Variants in KALRN observed in about 807,000 individuals in gnomAD.
KALRN encodes kalirin RhoGEF kinase.
In KALRN, 70 loss-of-function variants were observed where a neutral mutation model predicts 353.7. That is an observed-to-expected ratio of 0.20 (90% CI 0.16 to 0.24). The LOEUF (loss-of-function observed/expected upper bound fraction) is 0.24. Among genes scored for constraint, KALRN ranks in the 10% least tolerant of loss-of-function variants. KALRN has a pLI of 1.00. For missense variants in KALRN, 2,791 were observed against 3,756.7 expected (o/e 0.74, Z 6.72); for synonymous variants, 1,391 against 1,434.8 (o/e 0.97, Z 0.69).
chr3:124,495,957 G>GTGTATATATA (rs1377097482), intron 32 of KALRN, among the ~76,000 whole-genome samples: 1 of 44,222 alleles, frequency 2.3e-5, no homozygotes, highest in Non-Finnish European at 4.3e-5. Flanking sequence ...GTGTGTATGT[G>GTGTATATATA]TATGTATGTA....
chr3:124,384,956 A>G lies in KALRN; in HGVS notation c.1882A>G (p.Ile628Val), dbSNP rs141013560. The part of the protein sequence containing the change: ...YKAARHLEVR[I>V]QDFVRRVEQR... Reference sequence around the variant, plus strand: ...GGCAGCTCGACACCTGGAGGTGCGCATCCAAGACTTCGTGCGCAGGGTGGA... The same window carrying G: ...GGCAGCTCGACACCTGGAGGTGCGCGTCCAAGACTTCGTGCGCAGGGTGGA... Residue 628 changes from isoleucine (I) to valine (V), a missense_variant, in exon 11 of 60, where the codon ATC (isoleucine) becomes GTC (valine). By Grantham distance (29) the Ile-to-Val change is conservative (BLOSUM62 3). Around this residue, in one of 11 missense-constraint regions of KALRN, gnomAD observed 452 missense variants for 575.8 expected, o/e 0.78. Coordinates refer to ENST00000682506, the MANE Select transcript of KALRN (RefSeq NM_001388419.1). 4.3e-5 allele frequency: 69 copies of G among 1,613,978 alleles called. No individual in the cohort carries two copies. Among genetic ancestry groups the G allele is most frequent in the Non-Finnish European group, 5.3e-5 (63 of 1,180,004 alleles).
intron 34 of KALRN, among the ~76,000 whole-genome samples, chr3:124,603,075 G>A (rs1002966652): frequency 6.6e-6 from 1 of 152,028 alleles, no homozygotes; most frequent in African/African-American, 2.4e-5. Flanking sequence ...TTTTCTTGTG[G>A]GGTATTATTT....
intron 10 of KALRN, among the ~76,000 whole-genome samples, chr3:124,375,209 A>G (rs980263570): frequency 1.3e-5 from 2 of 152,130 alleles, no homozygotes; most frequent in African/African-American, 4.8e-5. Flanking sequence ...CGCTGGCTAT[A>G]TCCGGGGCCT....
chr3:124,443,229 T>C (rs1404232162), intron 19 of KALRN, among the ~76,000 whole-genome samples: 1 of 152,246 alleles, frequency 6.6e-6, no homozygotes, highest in Non-Finnish European at 1.5e-5. Flanking sequence ...ATTCTGACCA[T>C]GCAGAAATTA....
intron 9 of KALRN, among the ~76,000 whole-genome samples, chr3:124,337,899 T>C (rs2081296623): frequency 6.6e-6 from 1 of 152,216 alleles, no homozygotes; most frequent in Non-Finnish European, 1.5e-5. Context: ...ATCCATTTCT[T>C]CTAGATTTTC....
At chr3:124,167,954 C>T (rs1465591841) in intron 1 of KALRN, among the ~76,000 whole-genome samples, 1 of 152,198 alleles carries the variant, frequency 6.6e-6, no homozygotes. Flanking sequence ...GTTTGGAGTG[C>T]ACCCCTGCCC....
chr3:124,672,545 T>C (rs2086594761), intron 48 of KALRN, among the ~76,000 whole-genome samples: 1 of 152,174 alleles, frequency 6.6e-6, no homozygotes, highest in African/African-American at 2.4e-5. Context: ...TCACCATCTA[T>C]TGGCTGATGT....
chr3:124,491,017 TCTC>T (rs2063101535), intron 30 of KALRN, 133 bp downstream of exon 30: 1 of 787,910 alleles, frequency 1.3e-6, no homozygotes, highest in Admixed American at 2.9e-5. Context: ...AATGAAAATG[TCTC>T]CTATTTGGAA....
intron 10 of KALRN, among the ~76,000 whole-genome samples, chr3:124,363,777 G>C (rs1030460675): frequency 6.6e-6 from 1 of 152,228 alleles, no homozygotes; most frequent in Admixed American, 6.5e-5. Flanking sequence ...GATTAGCCAG[G>C]AAACTTTCCA....
chr3:124,343,692 C>T (rs1581170868), intron 9 of KALRN, among the ~76,000 whole-genome samples: 1 of 152,196 alleles, frequency 6.6e-6, no homozygotes, highest in Non-Finnish European at 1.5e-5. Flanking sequence ...CTCAGCTAAA[C>T]CTCACTTCTC....
chr3:124,109,222 A>T lies in KALRN; in HGVS notation c.73+75409A>T, dbSNP rs570718528. Among the ~76,000 whole-genome samples, 3 of 151,992 alleles carry T rather than the reference A, an allele frequency of 2.0e-5. No homozygotes were observed. In the South Asian group the frequency reaches 6.2e-4, roughly 32 times the overall value. On this transcript the variant is annotated intron_variant, in intron 1 of 59. Coordinates refer to ENST00000682506, the MANE Select transcript of KALRN (RefSeq NM_001388419.1). ...GTTCTTTTTCTTCTTTCCATTTGAG[A>T]TCTCAACTGATTGTATGTTGCAATT...
intron 37 of KALRN, among the ~76,000 whole-genome samples, chr3:124,642,806 G>GTTTTTTGGTTGTTGTTGTTTTTTT (rs2082198074): frequency 5.2e-5 from 5 of 96,840 alleles, no homozygotes; most frequent in Non-Finnish European, 9.5e-5. Flanking sequence ...CCCAAGCCTC[G>GTTTTTTGGTTGTTGTTGTTTTTTT]TTTTTTTTTT....
At chr3:124,138,758 G>A (rs972617714) in intron 1 of KALRN, among the ~76,000 whole-genome samples, 3 of 152,172 alleles carry the variant, frequency 2.0e-5, no homozygotes, top group Non-Finnish European at 4.4e-5. Flanking sequence ...GACCACTGAA[G>A]GGACATGGTG....
intron 1 of KALRN, among the ~76,000 whole-genome samples, chr3:124,178,116 A>G (rs1218230690): frequency 6.6e-6 from 1 of 152,242 alleles, no homozygotes; most frequent in Non-Finnish European, 1.5e-5. Context: ...TATCTACAAC[A>G]TACCTCTTTA....
At chr3:124,487,772 G>A (rs1269578429) in intron 28 of KALRN, among the ~76,000 whole-genome samples, 1 of 152,212 alleles carries the variant, frequency 6.6e-6, no homozygotes, top group Non-Finnish European at 1.5e-5. Flanking sequence ...CAGTAAGCAT[G>A]CAGGGATATT....
At chr3:124,184,457 G>A (rs55657448) in intron 1 of KALRN, among the ~76,000 whole-genome samples, 51,297 of 151,996 alleles carry the variant, frequency 0.34, 9,619 homozygotes, top group East Asian at 0.53. Flanking sequence ...TTCCCAACTC[G>A]TTAGCCTAGC....
chr3:124,240,466 A>G (rs1387085530), intron 3 of KALRN, among the ~76,000 whole-genome samples: 1 of 152,202 alleles, frequency 6.6e-6, no homozygotes, highest in Non-Finnish European at 1.5e-5. Context: ...ACGGAGGGGA[A>G]ACATTACCAC....
chr3:124,612,581 C>T (rs2078123325), intron 34 of KALRN, among the ~76,000 whole-genome samples: 1 of 152,228 alleles, frequency 6.6e-6, no homozygotes, highest in Admixed American at 6.5e-5. Context: ...AGGTGATCTG[C>T]CCGCCTCATC....
At chr3:124,123,148 C>T (rs1210012740) in intron 1 of KALRN, among the ~76,000 whole-genome samples, 20 of 148,320 alleles carry the variant, frequency 1.3e-4, no homozygotes, top group Admixed American at 1.2e-3. Context: ...TGCAGTGAGC[C>T]GAGATTGCGC....
Sources: allele counts gnomAD v4.1 joint callset (sites outside exome capture counted in the v4.1 genomes callset), GRCh38; gene constraint gnomAD v4.1.1; regional missense constraint gnomAD v4.1.1; transcripts MANE v1.5; gene names NCBI Gene and HGNC (gene_info 2026-07-23, HGNC 2026-07-21).